Variants in NDUFS5 observed in about 807,000 individuals in gnomAD.
The protein encoded by NDUFS5 is NADH dehydrogenase [ubiquinone] iron-sulfur protein 5.
Under a neutral mutation model 10.5 loss-of-function variants are expected in NDUFS5, and 7 were observed. The observed-to-expected ratio is 0.66, with a 90% CI of 0.38 to 1.25. NDUFS5 has a LOEUF of 1.25. Ranked by LOEUF, NDUFS5 falls within the 50% of genes most tolerant of loss-of-function variation. The probability of loss-of-function intolerance (pLI) is 0.02; values close to 1 mark genes in which losing one functional copy is unlikely to be tolerated. For missense variants in NDUFS5, 148 were observed against 140.7 expected, an observed-to-expected ratio of 1.05 and a Z score of -0.26; for synonymous variants, 38 against 44.0, an observed-to-expected ratio of 0.86 and a Z score of 0.54.
chr1:39,031,871 G>A lies in NDUFS5; in HGVS notation c.217-2521G>A, dbSNP rs1570992703. On this transcript the variant is annotated intron_variant, in intron 2 of 2. Coordinates refer to ENST00000372969, the MANE Select transcript of NDUFS5 (RefSeq NM_004552.3). ...ATTTCTCACAACAATCCTATGAGAT[G>A]AGTTACTATTAGTTTCCCCATTACA... Among the ~76,000 whole-genome samples, 3 of 152,238 alleles carry A rather than the reference G, an allele frequency of 2.0e-5. No individual in the cohort carries two copies. The East Asian group carries it at 5.8e-4, about 29-fold the overall frequency.
intron 2 of NDUFS5, among the ~76,000 whole-genome samples, chr1:39,032,035 T>G (rs961786242): frequency 2.0e-5 from 3 of 152,078 alleles, no homozygotes; most frequent in Non-Finnish European, 4.4e-5. Flanking sequence ...AGGGGGTGCC[T>G]GTAATCCCAG....
intron 1 of NDUFS5, among the ~76,000 whole-genome samples, chr1:39,026,814 C>T (rs1431950500): frequency 2.6e-5 from 4 of 152,200 alleles, no homozygotes; most frequent in Non-Finnish European, 4.4e-5. Context: ...GGCTGTTGCC[C>T]AACTGGAACA....
chr1:39,029,053 C>T lies in NDUFS5; in HGVS notation c.216+113C>T, dbSNP rs1217682671. On this transcript the variant is annotated intron_variant, in intron 2 of 2. Transcript: ENST00000372969. ...TGTCCCCTAGGCTGGTGTGTGATGG[C>T]GCCACCTCGTCTCACTGTAGCCTCT... 50 of 953,444 alleles carry T rather than the reference C, an allele frequency of 5.2e-5. 1 individual carries two copies. Among genetic ancestry groups the T allele is most frequent in the Admixed American group, 2.9e-4 (11 of 37,488 alleles). 59.1% of individuals were successfully genotyped at this position (953,444 alleles called of 1,614,324 possible). A position where few individuals can be genotyped will look rare whatever the true frequency, so the allele number is the denominator to read the frequency against.
At chr1:39,026,871 G>A (rs1300459846) in intron 1 of NDUFS5, among the ~76,000 whole-genome samples, 1 of 152,206 alleles carries the variant, frequency 6.6e-6, no homozygotes, top group East Asian at 1.9e-4. Context: ...CCATGTTAAA[G>A]GCATTTTCAA....
At chr1:39,030,274 A>G (rs1315210764) in intron 2 of NDUFS5, among the ~76,000 whole-genome samples, 2 of 150,938 alleles carry the variant, frequency 1.3e-5, no homozygotes, top group Non-Finnish European at 3.0e-5. Context: ...GCATGGTGAC[A>G]GGGGCATGTA....
intron 2 of NDUFS5, among the ~76,000 whole-genome samples, chr1:39,032,471 C>T (rs995519386): frequency 7.9e-5 from 12 of 152,076 alleles, no homozygotes; most frequent in Non-Finnish European, 1.3e-4. Flanking sequence ...ATCAACACTA[C>T]TTCTTTAAGG....
intron 2 of NDUFS5, among the ~76,000 whole-genome samples, chr1:39,033,324 A>G (rs1644202890): frequency 6.6e-6 from 1 of 152,034 alleles, no homozygotes; most frequent in Non-Finnish European, 1.5e-5. Flanking sequence ...CTGTAATCCC[A>G]GCACTTTGGG....
Position 39,028,829 on chromosome 1 carries a change from T to G in NDUFS5, c.105T>G (p.Ala35=). The G allele has an allele frequency of 6.2e-7, 1 of 1,614,174 alleles. No homozygotes were observed. The highest frequency in any genetic ancestry group is 8.5e-7 in the Non-Finnish European group (1 of 1,180,026). Reference sequence around the variant, plus strand: ...ACAAGATGGCTGGTCGATGCCATGCTTTTGAAAAAGAATGGATAGAATGTG... The same window carrying G: ...ACAAGATGGCTGGTCGATGCCATGCGTTTGAAAAAGAATGGATAGAATGTG... ...QPYKMAGRCH[A]FEKEWIECAH... is the part of the protein sequence containing the mutation. The change falls in exon 2 of 3, where the codon GCT becomes GCG. Residue 35 remains alanine, a synonymous_variant. Coordinates refer to ENST00000372969, the MANE Select transcript of NDUFS5 (RefSeq NM_004552.3).
At chr1:39,033,369 C>A (rs1300388025) in intron 2 of NDUFS5, among the ~76,000 whole-genome samples, 5 of 151,610 alleles carry the variant, frequency 3.3e-5, no homozygotes, top group Non-Finnish European at 7.4e-5. Context: ...GTCAGGAGAT[C>A]GAGACCATCC....
At position 39,028,919 on chromosome 1, in the gene NDUFS5, G is replaced by C; in HGVS notation, c.195G>C (p.Glu65Asp). 1 of 1,613,778 alleles carries C rather than the reference G, an allele frequency of 6.2e-7. No individual in the cohort carries two copies. Among genetic ancestry groups the C allele is most frequent in the South Asian group, 1.1e-5 (1 of 91,068 alleles). ...ECKIEYDDFV[E>D]CLLRQKTMRR... is the part of the protein sequence containing the mutation. ...AGATAGAATATGATGATTTCGTAGA[G>C]TGTTTGCTTCGGCAGAAAACGGTAA... Residue 65 changes from glutamate (E) to aspartate (D), a missense_variant, in exon 2 of 3, where the codon GAG becomes GAC. Physicochemically the swap from Glu to Asp is conservative, Grantham distance 45. Transcript: ENST00000372969.
chr1:39,029,116 C>T (rs1477597237), intron 2 of NDUFS5, among the ~76,000 whole-genome samples, 176 bp downstream of exon 2: 2 of 151,912 alleles, frequency 1.3e-5, no homozygotes, highest in African/African-American at 4.8e-5. Context: ...CCTCAGCCTC[C>T]CGAGTAGCTG....
Position 39,034,469 on chromosome 1 carries a change from C to CA in NDUFS5, c.295dup (p.Ile99AsnfsTer?). Reference sequence around the variant, plus strand: ...GAAAGTACACCCCTCCACCTCACCACATTGGCAAGGGGGAGCCTCGGCCCT... The same window carrying CA: ...GAAAGTACACCCCTCCACCTCACCACAATTGGCAAGGGGGAGCCTCGGCCCT... On this transcript the variant is annotated frameshift_variant, in exon 3 of 3. Transcript: ENST00000372969. LOFTEE classifies it high-confidence loss of function. 5.0e-6 allele frequency: 8 copies of CA among 1,613,690 alleles called. No homozygotes were observed. Among genetic ancestry groups the CA allele is most frequent in the Non-Finnish European group, 6.8e-6 (8 of 1,179,734 alleles).
At chr1:39,031,513 C>T (rs1469692861) in intron 2 of NDUFS5, among the ~76,000 whole-genome samples, 1 of 152,092 alleles carries the variant, frequency 6.6e-6, no homozygotes, top group African/African-American at 2.4e-5. Context: ...GCTATGTTTC[C>T]TTTGCTGATC....
At chr1:39,031,562 C>G (rs1425636933) in intron 2 of NDUFS5, among the ~76,000 whole-genome samples, 1 of 152,008 alleles carries the variant, frequency 6.6e-6, no homozygotes, top group African/African-American at 2.4e-5. Context: ...TGCCTGGGCC[C>G]CCCAAACTGC....
chr1:39,030,078 G>A (rs1025889121), intron 2 of NDUFS5, among the ~76,000 whole-genome samples: 6 of 151,276 alleles, frequency 4.0e-5, no homozygotes, highest in Admixed American at 1.3e-4. Context: ...GCGACAGAGC[G>A]AGACTCTGCC....
chr1:39,028,723 C>G lies in NDUFS5; in HGVS notation c.-2C>G. 6.2e-7 allele frequency: 1 copy of G among 1,613,666 alleles called. No individual in the cohort carries two copies. The highest frequency in any genetic ancestry group is 8.5e-7 in the Non-Finnish European group (1 of 1,179,686). On this transcript the variant is annotated splice_region_variant and 5_prime_UTR_variant, in exon 2 of 3. Coordinates refer to ENST00000372969, the MANE Select transcript of NDUFS5 (RefSeq NM_004552.3). ...TATTTTTTTAAATCTTCCATTACAGCCATGCCTTTCTTGGACATCCAGAAA... is the reference window on the plus strand; with the variant it reads ...TATTTTTTTAAATCTTCCATTACAGGCATGCCTTTCTTGGACATCCAGAAA...
chr1:39,034,362 C>T, intron 2 of NDUFS5, 30 bp from the exon 3 acceptor site: 1 of 1,605,468 alleles, frequency 6.2e-7, no homozygotes, highest in African/African-American at 1.3e-5. Context: ...TATCTCCTCC[C>T]TCAGTTTAAT....
intron 1 of NDUFS5, among the ~76,000 whole-genome samples, chr1:39,027,814 C>CTTT (rs1157906500): frequency 2.8e-5 from 1 of 35,544 alleles, no homozygotes; most frequent in African/African-American, 9.5e-5. Context: ...TCTTCTTCTT[C>CTTT]TTTTTTTTTT....
chr1:39,028,845 A>G lies in NDUFS5; in HGVS notation c.121A>G (p.Ile41Val). 1.9e-6 allele frequency: 3 copies of G among 1,614,154 alleles called. No individual in the cohort carries two copies. The highest frequency in any genetic ancestry group is 2.5e-6 in the Non-Finnish European group (3 of 1,180,014). Residue 41 changes from isoleucine (I) to valine (V), a missense_variant, in exon 2 of 3, where the codon ATA (isoleucine) becomes GTA (valine). Ile to Val is a conservative substitution (Grantham distance 29). Transcript: ENST00000372969. Reference protein sequence around the residue: ...GRCHAFEKEWIECAHGIGYTR... With the variant: ...GRCHAFEKEWVECAHGIGYTR... The stretch of plus-strand genomic sequence containing the variant: ...ATGCCATGCTTTTGAAAAAGAATGG[A>G]TAGAATGTGCACATGGAATCGGTTA...
Sources: gnomAD v4.1 joint callset for allele counts (sites outside exome capture counted in the v4.1 genomes callset) on GRCh38, gnomAD v4.1.1 for gene constraint, MANE v1.5 for transcripts, NCBI Gene and HGNC (gene_info 2026-07-23, HGNC 2026-07-21) for gene names.